STK32B: variants seen among roughly 807,000 people sequenced by gnomAD.
STK32B encodes serine/threonine kinase 32B.
STK32B carries 43 observed loss-of-function variants against 52.6 expected under a neutral mutation model. The ratio of observed to expected loss-of-function variants is 0.82; its 90% CI spans 0.64 to 1.05. STK32B has a LOEUF of 1.05. STK32B is among the 50% of genes least tolerant of loss of function. The pLI, the probability that STK32B is intolerant of heterozygous loss-of-function variation, is 0.00. For synonymous variants in STK32B, 238 were observed against 204.3 expected (o/e 1.17, Z -1.41); for missense variants, 621 against 534.6 (o/e 1.16, Z -1.59).
chr4:5,483,760 T>C (rs1047485018), intron 11 of STK32B, among the ~76,000 whole-genome samples: 3 of 152,228 alleles, frequency 2.0e-5, no homozygotes, highest in African/African-American at 4.8e-5. Flanking sequence ...CTGCTTTGAA[T>C]GTGTCCTAGA....
intron 4 of STK32B, among the ~76,000 whole-genome samples, chr4:5,360,856 C>A (rs1734500426): frequency 6.6e-6 from 1 of 152,160 alleles, no homozygotes; most frequent in Admixed American, 6.5e-5. Context: ...GTAAAATACA[C>A]ATAACAGATA....
chr4:5,407,083 A>C (rs1258804733), intron 5 of STK32B, among the ~76,000 whole-genome samples: 1 of 152,136 alleles, frequency 6.6e-6, no homozygotes, highest in African/African-American at 2.4e-5. Context: ...CAGCCAAGCC[A>C]CATCTTGAAC....
At chr4:5,185,715 C>T (rs979857447) in intron 3 of STK32B, among the ~76,000 whole-genome samples, 1 of 152,198 alleles carries the variant, frequency 6.6e-6, no homozygotes, top group East Asian at 1.9e-4. Context: ...AGCCAGTTAC[C>T]CATCACCCAC....
At chr4:5,138,121 A>C (rs1404919100) in intron 1 of STK32B, among the ~76,000 whole-genome samples, 1 of 152,190 alleles carries the variant, frequency 6.6e-6, no homozygotes, top group East Asian at 1.9e-4. Context: ...GAAAATATGA[A>C]ATCTCTTTCT....
chr4:5,422,946 A>G (rs1186483935), intron 6 of STK32B, among the ~76,000 whole-genome samples: 1 of 152,174 alleles, frequency 6.6e-6, no homozygotes, highest in Non-Finnish European at 1.5e-5. Context: ...ACCCATACAA[A>G]GGCATTGGGG....
At chr4:5,297,168 C>A (rs1396573928) in intron 3 of STK32B, among the ~76,000 whole-genome samples, 1 of 152,168 alleles carries the variant, frequency 6.6e-6, no homozygotes, top group Non-Finnish European at 1.5e-5. Flanking sequence ...ATGGGCTTCC[C>A]TTTGTAGGTA....
At chr4:5,303,001 T>C (rs2108899543) in intron 3 of STK32B, among the ~76,000 whole-genome samples, 1 of 151,776 alleles carries the variant, frequency 6.6e-6, no homozygotes, top group South Asian at 2.1e-4. Flanking sequence ...TGTGTGTTTG[T>C]GTGTGTATAT....
chr4:5,477,088 G>A (rs532894744), intron 11 of STK32B, among the ~76,000 whole-genome samples: 1 of 152,198 alleles, frequency 6.6e-6, no homozygotes, highest in Non-Finnish European at 1.5e-5. Context: ...GCTAAGCAGA[G>A]CAAGGAAACA....
chr4:5,234,867 C>T (rs181636598), intron 3 of STK32B, among the ~76,000 whole-genome samples: 23 of 152,336 alleles, frequency 1.5e-4, no homozygotes, highest in Admixed American at 1.2e-3. Context: ...TCTTTATGCC[C>T]AACGAATTTG....
At chr4:5,237,429 G>A (rs369528786) in intron 3 of STK32B, among the ~76,000 whole-genome samples, 5 of 152,292 alleles carry the variant, frequency 3.3e-5, no homozygotes, top group African/African-American at 1.2e-4. Flanking sequence ...ATTTATTGTT[G>A]TGAAGAGTTT....
intron 3 of STK32B, among the ~76,000 whole-genome samples, chr4:5,237,564 A>AT: frequency 6.6e-6 from 1 of 152,224 alleles, no homozygotes; most frequent in Non-Finnish European, 1.5e-5. Flanking sequence ...GATCAGAAAT[A>AT]TGAAGACAAC....
intron 1 of STK32B, among the ~76,000 whole-genome samples, chr4:5,085,146 T>C (rs543985108): frequency 6.6e-6 from 1 of 152,352 alleles, no homozygotes; most frequent in Admixed American, 6.5e-5. Flanking sequence ...TGGAAGCTAA[T>C]TGATTAAATT....
intron 2 of STK32B, among the ~76,000 whole-genome samples, chr4:5,162,488 G>T (rs906410317): frequency 1.3e-5 from 2 of 152,164 alleles, no homozygotes; most frequent in African/African-American, 4.8e-5. Flanking sequence ...ACTGACTCAG[G>T]ATCCATTCCC....
intron 1 of STK32B, among the ~76,000 whole-genome samples, chr4:5,134,882 T>TA (rs1224749683): frequency 6.6e-6 from 1 of 152,252 alleles, no homozygotes; most frequent in African/African-American, 2.4e-5. Flanking sequence ...TTGAAAGAGT[T>TA]ACTAGCCATC....
intron 3 of STK32B, among the ~76,000 whole-genome samples, chr4:5,204,888 C>G (rs1209487818): frequency 6.6e-6 from 1 of 152,178 alleles, no homozygotes; most frequent in Non-Finnish European, 1.5e-5. Flanking sequence ...CTAATTTTTT[C>G]TATCAACTTG....
chr4:5,301,612 A>G (rs1211099390), intron 3 of STK32B, among the ~76,000 whole-genome samples: 5 of 148,458 alleles, frequency 3.4e-5, no homozygotes, highest in Admixed American at 1.3e-4. Context: ...TAAAGTTGGT[A>G]GTAGTGTTTT....
At chr4:5,368,676 C>T (rs1735031838) in intron 4 of STK32B, among the ~76,000 whole-genome samples, 1 of 152,168 alleles carries the variant, frequency 6.6e-6, no homozygotes, top group South Asian at 2.1e-4. Flanking sequence ...CTTAAGAGGG[C>T]TGGCAGGGAC....
chr4:5,368,604 G>T (rs980289990), intron 4 of STK32B, among the ~76,000 whole-genome samples: 3 of 152,216 alleles, frequency 2.0e-5, no homozygotes, highest in Admixed American at 6.5e-5. Flanking sequence ...GGTCATAGGG[G>T]ATGTAAACCC....
At chr4:5,296,184 A>T (rs1459729731) in intron 3 of STK32B, among the ~76,000 whole-genome samples, 1 of 152,262 alleles carries the variant, frequency 6.6e-6, no homozygotes, top group East Asian at 1.9e-4. Context: ...GCTTCCAATT[A>T]TGTGGTCAAT....
Sources: gnomAD v4.1 joint callset for allele counts (sites outside exome capture counted in the v4.1 genomes callset) on GRCh38, gnomAD v4.1.1 for gene constraint, MANE v1.5 for transcripts, NCBI Gene and HGNC (gene_info 2026-07-23, HGNC 2026-07-21) for gene names.